Variants in WWOX observed in about 807,000 individuals in gnomAD.
WWOX encodes WW domain containing oxidoreductase, also known as WW domain-containing oxidoreductase.
In WWOX, 69 loss-of-function variants were observed where a neutral mutation model predicts 46.2. The observed-to-expected ratio is 1.49, with a 90% CI of 1.23 to 1.82. WWOX has a LOEUF of 1.82. Ranked by LOEUF, WWOX falls within the 40% of genes most tolerant of loss-of-function variation. The probability of loss-of-function intolerance (pLI) is 0.00; values close to 1 mark genes in which losing one functional copy is unlikely to be tolerated. For synonymous variants in WWOX, 359 were observed against 202.6 expected (o/e 1.77, Z -6.56); for missense variants, 919 against 542.6 (o/e 1.69, Z -6.89).
chr16:78,554,483 A>G (rs745408103), intron 8 of WWOX, among the ~76,000 whole-genome samples: 43 of 152,208 alleles, frequency 2.8e-4, no homozygotes, highest in Non-Finnish European at 5.1e-4. Flanking sequence ...GGTAGAAGTG[A>G]TAGATATAGA....
At chr16:78,317,588 AGT>A (rs34986286) in intron 5 of WWOX, among the ~76,000 whole-genome samples, 28 of 151,834 alleles carry the variant, frequency 1.8e-4, no homozygotes, top group African/African-American at 4.6e-4. Context: ...TGTGACTGTG[AGT>A]GTGTGTGTGT....
chr16:78,935,764 T>C (rs899009759), intron 8 of WWOX, among the ~76,000 whole-genome samples: 1 of 151,540 alleles, frequency 6.6e-6, no homozygotes, highest in African/African-American at 2.4e-5. Context: ...AAAAAAAAAA[T>C]TAGCTGGGCG....
intron 8 of WWOX, among the ~76,000 whole-genome samples, chr16:78,861,193 T>C (rs2043878148): frequency 6.6e-6 from 1 of 152,134 alleles, no homozygotes; most frequent in African/African-American, 2.4e-5. Flanking sequence ...TTTCCTTTTT[T>C]CCTTCTCTGT....
chr16:79,042,122 C>T (rs1197853393), intron 8 of WWOX, among the ~76,000 whole-genome samples: 2 of 152,168 alleles, frequency 1.3e-5, no homozygotes, highest in African/African-American at 2.4e-5. Flanking sequence ...AACCTGCACC[C>T]ACGTTCCCCC....
At chr16:78,893,614 C>T (rs1424068876) in intron 8 of WWOX, among the ~76,000 whole-genome samples, 2 of 152,150 alleles carry the variant, frequency 1.3e-5, no homozygotes, top group Non-Finnish European at 2.9e-5. Context: ...AATGTTGCAG[C>T]CAATATTTCA....
In WWOX at chr16:79,011,655, G is replaced by C. The variant is rs937443228; in HGVS notation, c.1057-199953G>C. ...CTACTGTGATGTGCCACCATAGCCA[G>C]CTATTTTTTTTGCATTTTTTAGAGA... On this transcript the variant is annotated intron_variant, in intron 8 of 8. Coordinates refer to ENST00000566780, the MANE Select transcript of WWOX (RefSeq NM_016373.4). Among the ~76,000 whole-genome samples, 44 of 151,626 alleles carry C rather than the reference G, an allele frequency of 2.9e-4. 4 individuals carry two copies. The highest frequency in any genetic ancestry group is 1.5e-5 in the Non-Finnish European group (1 of 67,944).
intron 8 of WWOX, among the ~76,000 whole-genome samples, chr16:79,085,762 G>A (rs2048843152): frequency 6.6e-6 from 1 of 152,090 alleles, no homozygotes; most frequent in Non-Finnish European, 1.5e-5. Flanking sequence ...AATGTAGTCA[G>A]TAGCCAGGCA....
intron 8 of WWOX, among the ~76,000 whole-genome samples, chr16:78,626,600 T>A (rs2046317372): frequency 2.0e-5 from 3 of 152,154 alleles, no homozygotes; most frequent in African/African-American, 7.2e-5. Flanking sequence ...GTCAAGGTAG[T>A]GTTCATTAGG....
At chr16:78,827,380 C>G (rs908685363) in intron 8 of WWOX, among the ~76,000 whole-genome samples, 1 of 152,046 alleles carries the variant, frequency 6.6e-6, no homozygotes, top group East Asian at 1.9e-4. Context: ...GTGTCATCAA[C>G]TCACAGAGGA....
chr16:79,167,709 G>C (rs962325049), intron 8 of WWOX, among the ~76,000 whole-genome samples: 41 of 152,294 alleles, frequency 2.7e-4, no homozygotes, highest in African/African-American at 9.4e-4. Context: ...TTGTATCCTT[G>C]TTTTGTTTCG....
chr16:78,433,777 CTTTTTTTTT>C (rs547236644), intron 8 of WWOX, among the ~76,000 whole-genome samples: 26 of 84,402 alleles, frequency 3.1e-4, no homozygotes, highest in East Asian at 8.6e-4. Flanking sequence ...TTGGGGATGA[CTTTTTTTTT>C]TTTTTTTTTT....
At chr16:78,640,241 T>TG (rs974688666) in intron 8 of WWOX, among the ~76,000 whole-genome samples, 5 of 144,898 alleles carry the variant, frequency 3.5e-5, no homozygotes, top group African/African-American at 1.0e-4. Context: ...TTTTTTTTTT[T>TG]TTTTTTTTTT....
intron 8 of WWOX, among the ~76,000 whole-genome samples, chr16:78,837,982 G>A (rs2052035267): frequency 6.6e-6 from 1 of 152,132 alleles, no homozygotes. Context: ...TGTTCCAAAG[G>A]TTTCTCCAAA....
At chr16:78,899,341 A>T (rs2151239306) in intron 8 of WWOX, 1 of 152,328 alleles carries the variant, frequency 6.6e-6, no homozygotes, top group South Asian at 2.1e-4. Context: ...AGTTTAGCTC[A>T]TTGGTTAAAA....
At chr16:78,593,498 A>C (rs538916945) in intron 8 of WWOX, among the ~76,000 whole-genome samples, 1 of 152,350 alleles carries the variant, frequency 6.6e-6, no homozygotes, top group African/African-American at 2.4e-5. Context: ...AGAGGTGGGC[A>C]CATGACCCAG....
At chr16:78,710,010 C>T (rs1484853404) in intron 8 of WWOX, among the ~76,000 whole-genome samples, 1 of 152,110 alleles carries the variant, frequency 6.6e-6, no homozygotes, top group Non-Finnish European at 1.5e-5. Context: ...GGATTACAGG[C>T]GTCAGCCACC....
intron 5 of WWOX, among the ~76,000 whole-genome samples, chr16:78,180,991 A>G (rs1431450749): frequency 6.6e-6 from 1 of 152,210 alleles, no homozygotes; most frequent in Non-Finnish European, 1.5e-5. Flanking sequence ...GTTTTCTACT[A>G]CTTAAAGCTG....
intron 8 of WWOX, among the ~76,000 whole-genome samples, chr16:78,539,484 T>C (rs2043836528): frequency 6.6e-6 from 1 of 152,250 alleles, no homozygotes; most frequent in Non-Finnish European, 1.5e-5. Context: ...TCTGCATCGA[T>C]AAAAAGTGGA....
chr16:78,467,654 T>G (rs2084113309), intron 8 of WWOX, among the ~76,000 whole-genome samples: 1 of 152,224 alleles, frequency 6.6e-6, no homozygotes, highest in African/African-American at 2.4e-5. Context: ...TGGCTTTCAT[T>G]AGAGTAGAAA....
Sources: gnomAD v4.1 joint callset for allele counts (sites outside exome capture counted in the v4.1 genomes callset) on GRCh38, gnomAD v4.1.1 for gene constraint, MANE v1.5 for transcripts, NCBI Gene and HGNC (gene_info 2026-07-23, HGNC 2026-07-21) for gene names.